Variants in KYAT3 observed in about 807,000 individuals in gnomAD.
KYAT3 encodes kynurenine--oxoglutarate transaminase 3.
A neutral mutation model predicts 59.0 loss-of-function variants in KYAT3; 50 were observed. That is an observed-to-expected ratio of 0.85 (90% confidence interval 0.68 to 1.07). The LOEUF is 1.07. Ranked by LOEUF, KYAT3 falls within the 50% of genes least tolerant of loss-of-function variation. The pLI is 0.00. For synonymous variants in KYAT3, 148 were observed against 177.0 expected (o/e 0.84, Z 1.30); for missense variants, 497 against 533.3 (o/e 0.93, Z 0.67).
intron 8 of KYAT3, among the ~76,000 whole-genome samples, chr1:88,958,347 G>A (rs982966105): frequency 9.3e-5 from 14 of 150,120 alleles, no homozygotes; most frequent in African/African-American, 3.4e-4. Flanking sequence ...AAATAGCCCC[G>A]ATGTACCATC....
chr1:88,986,010 G>A (rs1286432779), intron 2 of KYAT3, among the ~76,000 whole-genome samples: 1 of 151,882 alleles, frequency 6.6e-6, no homozygotes, highest in Non-Finnish European at 1.5e-5. Context: ...GCAAAACCCC[G>A]TCTCTACAAA....
At chr1:88,988,899 A>C (rs1677626822) in intron 1 of KYAT3, among the ~76,000 whole-genome samples, 2 of 152,204 alleles carry the variant, frequency 1.3e-5, no homozygotes, top group Non-Finnish European at 2.9e-5. Context: ...TCCTCCAACA[A>C]TTCCCACAAG....
chr1:88,937,028 G>C (rs1675063402), intron 13 of KYAT3, among the ~76,000 whole-genome samples: 1 of 152,202 alleles, frequency 6.6e-6, no homozygotes, highest in African/African-American at 2.4e-5. Context: ...AGTGCTGGCT[G>C]GAACAGGATG....
Position 88,953,192 on chromosome 1 carries a change from T to C in KYAT3, c.865-40A>G, listed in dbSNP as rs1675753391. ...GATAAAAGATTTCAGAAAATCTAAT[T>C]GTATATAACAAATCTGAGACAGCAG... On this transcript the variant is annotated intron_variant, in intron 9 of 13. Coordinates refer to ENST00000260508, the MANE Select transcript of KYAT3 (RefSeq NM_001008661.3). 6.0e-6 allele frequency: 8 copies of C among 1,336,770 alleles called. No homozygotes were observed. The East Asian group carries it at 1.8e-4, about 31-fold the overall frequency. The allele number at this position is 1,336,770 out of a possible 1,614,324, so 82.8% of individuals were successfully genotyped here.
At chr1:88,974,118 G>T (rs529069796) in intron 2 of KYAT3, among the ~76,000 whole-genome samples, 22 of 152,282 alleles carry the variant, frequency 1.4e-4, no homozygotes, top group African/African-American at 5.1e-4. Flanking sequence ...ACAGAACCAG[G>T]CTTGGGAAAC....
chr1:88,972,925 C>T (rs1676610126), intron 2 of KYAT3, among the ~76,000 whole-genome samples: 1 of 152,148 alleles, frequency 6.6e-6, no homozygotes, highest in Non-Finnish European at 1.5e-5. Flanking sequence ...GACCATGCCC[C>T]CCTTAGTTTC....
intron 8 of KYAT3, among the ~76,000 whole-genome samples, chr1:88,957,823 T>C (rs1675977544): frequency 6.6e-6 from 1 of 152,204 alleles, no homozygotes; most frequent in Non-Finnish European, 1.5e-5. Flanking sequence ...AACAAGAAAG[T>C]AATTGTTCAT....
chr1:88,940,854 G>C (rs148069804), intron 13 of KYAT3, among the ~76,000 whole-genome samples: 1 of 151,398 alleles, frequency 6.6e-6, no homozygotes, highest in African/African-American at 2.4e-5. Flanking sequence ...CCAGTGCAGC[G>C]ACTGCTCCTA....
Position 88,955,129 on chromosome 1 carries a change from T to TAAATTCTTACTCGTC in KYAT3, c.864+19_864+20insGACGAGTAAGAATTT, listed in dbSNP as rs1675854936. Reference sequence around the variant, plus strand: ...ATATACAGGCCTATTTTTAAGCAATTAAATTCTTACTCATCTTACCTTCCA... The same window carrying TAAATTCTTACTCGTC: ...ATATACAGGCCTATTTTTAAGCAATTAAATTCTTACTCGTCAAATTCTTACTCATCTTACCTTCCA... On this transcript the variant is annotated intron_variant, in intron 9 of 13. Coordinates refer to ENST00000260508, the MANE Select transcript of KYAT3 (RefSeq NM_001008661.3). 6.6e-7 allele frequency: 1 copy of TAAATTCTTACTCGTC among 1,519,304 alleles called. No homozygotes were observed. The highest frequency in any genetic ancestry group is 9.1e-7 in the Non-Finnish European group (1 of 1,095,298). The allele number at this position is 1,519,304 out of a possible 1,614,324, so 94.1% of individuals were successfully genotyped here.
In KYAT3 at chr1:88,985,348, G is replaced by A. The variant is rs545666208; in HGVS notation, c.99+2904C>T. On this transcript the variant is annotated intron_variant, in intron 2 of 13. Coordinates refer to ENST00000260508, the MANE Select transcript of KYAT3 (RefSeq NM_001008661.3). ...CTATAAATCAGAGTTGGACAGTCAG[G>A]CTGAACCAATCAAGACAACTAGAAG... is the stretch of plus-strand genomic sequence containing the variant. Among the ~76,000 whole-genome samples, 28 of 152,282 alleles carry A rather than the reference G, an allele frequency of 1.8e-4. No individual in the cohort carries two copies. In the South Asian group the frequency reaches 4.8e-3, roughly 26 times the overall value.
At chr1:88,951,255 A>G (rs1044784878) in intron 10 of KYAT3, among the ~76,000 whole-genome samples, 2 of 145,976 alleles carry the variant, frequency 1.4e-5, no homozygotes, top group African/African-American at 5.1e-5. Context: ...TTTTTTTGAG[A>G]CGAAGTCTTG....
chr1:88,922,183 G>C, the KYAT3 span, among the ~76,000 whole-genome samples: 1 of 152,022 alleles, frequency 6.6e-6, no homozygotes, highest in South Asian at 2.1e-4. Flanking sequence ...CTGCACCACT[G>C]CACTGTAGCC....
chr1:88,946,305 T>C (rs556938342), intron 11 of KYAT3, among the ~76,000 whole-genome samples: 1 of 145,726 alleles, frequency 6.9e-6, no homozygotes, highest in Non-Finnish European at 1.5e-5. Context: ...TTTGCTTTCT[T>C]TCCCTCCTAT....
chr1:88,987,171 T>C lies in KYAT3; in HGVS notation c.99+1081A>G, dbSNP rs116999823. On this transcript the variant is annotated intron_variant, in intron 2 of 13. Transcript: ENST00000260508. ...AGATATGTAGAATTAGAATGCATAA[T>C]GGTGAGCCCTGGCATACGTAGTCTA... is the stretch of plus-strand genomic sequence containing the variant. 2.6e-5 allele frequency among the ~76,000 whole-genome samples: 4 copies of C among 152,350 alleles called. No homozygotes were observed. The East Asian group carries it at 7.7e-4, about 29-fold the overall frequency.
At chr1:88,951,568 C>G (rs1470802807) in intron 10 of KYAT3, among the ~76,000 whole-genome samples, 1 of 151,740 alleles carries the variant, frequency 6.6e-6, no homozygotes, top group Non-Finnish European at 1.5e-5. Context: ...TAGAAAAATA[C>G]TATTTTTTTC....
At chr1:88,922,607 C>T in the KYAT3 span, among the ~76,000 whole-genome samples, 25 of 152,262 alleles carry the variant, frequency 1.6e-4, no homozygotes, top group African/African-American at 5.8e-4. Context: ...CTAACTAATG[C>T]CTGATGTTCT....
intron 4 of KYAT3, among the ~76,000 whole-genome samples, chr1:88,965,856 A>G (rs1676329878): frequency 6.6e-6 from 1 of 152,220 alleles, no homozygotes; most frequent in Non-Finnish European, 1.5e-5. Flanking sequence ...CTCTGGAGCA[A>G]TAAACTGAGT....
intron 2 of KYAT3, among the ~76,000 whole-genome samples, chr1:88,971,924 C>G (rs900353638): frequency 1.3e-5 from 2 of 152,172 alleles, no homozygotes; most frequent in Non-Finnish European, 2.9e-5. Context: ...AAATGATATA[C>G]AGCATGACCA....
At chr1:88,961,654 G>T in intron 6 of KYAT3, 148 bp from the exon 7 acceptor site, 1 of 679,628 alleles carries the variant, frequency 1.5e-6, no homozygotes, top group Non-Finnish European at 2.4e-6. Flanking sequence ...TCCTGCAGTA[G>T]GAACAGAAAA....
Sources: allele counts gnomAD v4.1 joint callset (sites outside exome capture counted in the v4.1 genomes callset), GRCh38; gene constraint gnomAD v4.1.1; transcripts MANE v1.5; gene names NCBI Gene and HGNC (gene_info 2026-07-23, HGNC 2026-07-21).